TANC2: variants seen among roughly 807,000 people sequenced by gnomAD.
The protein encoded by TANC2 is protein TANC2.
A neutral mutation model predicts 210.5 loss-of-function variants in TANC2; 26 were observed. The observed-to-expected ratio is 0.12, with a 90% CI of 0.09 to 0.17. The LOEUF is 0.17. Ranked by LOEUF, TANC2 falls within the 10% of genes least tolerant of loss-of-function variation. The probability of loss-of-function intolerance (pLI) is 1.00; values close to 1 mark genes in which losing one functional copy is unlikely to be tolerated. For missense variants in TANC2, 2,129 were observed against 2,608.9 expected (o/e 0.82, Z 4.01); for synonymous variants, 931 against 967.1 (o/e 0.96, Z 0.69).
chr17:63,353,703 G>A (rs1470726879), intron 13 of TANC2, among the ~76,000 whole-genome samples: 1 of 152,012 alleles, frequency 6.6e-6, no homozygotes, highest in Non-Finnish European at 1.5e-5. Flanking sequence ...AAAAAGGGAA[G>A]GTTAAAAGTG....
intron 10 of TANC2, among the ~76,000 whole-genome samples, chr17:63,315,697 G>C (rs1342724883): frequency 6.6e-6 from 1 of 152,080 alleles, no homozygotes; most frequent in Non-Finnish European, 1.5e-5. Flanking sequence ...GTAGTTACAG[G>C]GTCTAGCACA....
At chr17:63,302,298 T>C (rs764101286) in intron 9 of TANC2, among the ~76,000 whole-genome samples, 2 of 152,196 alleles carry the variant, frequency 1.3e-5, no homozygotes, top group Non-Finnish European at 2.9e-5. Context: ...CACGTCCACT[T>C]GATCCAGAGC....
chr17:63,031,683 G>A (rs12150107), intron 2 of TANC2, among the ~76,000 whole-genome samples: 62,085 of 151,966 alleles, frequency 0.41, 15,056 homozygotes, highest in East Asian at 0.84. Context: ...TGATTATAGG[G>A]TGAGCACTTA....
intron 1 of TANC2, among the ~76,000 whole-genome samples, chr17:62,980,791 A>G (rs1167421273): frequency 1.3e-5 from 2 of 152,196 alleles, no homozygotes; most frequent in African/African-American, 4.8e-5. Context: ...GCTTACTTCT[A>G]GTACCCAAGA....
chr17:63,069,607 C>T (rs2036324001), intron 2 of TANC2, among the ~76,000 whole-genome samples: 1 of 152,156 alleles, frequency 6.6e-6, no homozygotes, highest in Non-Finnish European at 1.5e-5. Flanking sequence ...TGCCCACATA[C>T]TGACTTTTTG....
exon 15 of TANC2, chr17:63,379,785 A>G (rs2047546588): frequency 1.2e-6 from 2 of 1,612,872 alleles, no homozygotes; most frequent in Admixed American, 1.7e-5. Flanking sequence ...ACAGCAGACT[A>G]TTGAACTGGG....
At chr17:63,286,972 C>T (rs1426562818) in intron 9 of TANC2, among the ~76,000 whole-genome samples, 1 of 152,074 alleles carries the variant, frequency 6.6e-6, no homozygotes, top group Non-Finnish European at 1.5e-5. Context: ...CTTTGTTATA[C>T]ACCCAGCCTG....
At chr17:63,012,571 C>A (rs2033920357) in intron 2 of TANC2, among the ~76,000 whole-genome samples, 2 of 152,060 alleles carry the variant, frequency 1.3e-5, no homozygotes, top group Non-Finnish European at 2.9e-5. Flanking sequence ...ATATATTTGA[C>A]CTTTTCATTG....
intron 5 of TANC2, among the ~76,000 whole-genome samples, chr17:63,162,884 C>A (rs1009900793): frequency 3.3e-5 from 5 of 151,926 alleles, no homozygotes; most frequent in African/African-American, 1.2e-4. Flanking sequence ...GTACTAATGT[C>A]CCACTTAACG....
intron 11 of TANC2, among the ~76,000 whole-genome samples, chr17:63,331,659 A>C (rs975980347): frequency 6.6e-6 from 1 of 152,230 alleles, no homozygotes; most frequent in African/African-American, 2.4e-5. Flanking sequence ...TTTCAAAAAG[A>C]ATTAAGAAGA....
At chr17:63,396,996 T>G (rs544984740) in intron 18 of TANC2, 1 of 149,722 alleles carries the variant, frequency 6.7e-6, no homozygotes, top group East Asian at 1.9e-4. Flanking sequence ...AAAAAGAGGC[T>G]GGGCGTGGTG....
chr17:63,085,938 T>C (rs563035595), intron 3 of TANC2, among the ~76,000 whole-genome samples: 1 of 152,178 alleles, frequency 6.6e-6, no homozygotes, highest in Non-Finnish European at 1.5e-5. Context: ...GCAGGTCTTC[T>C]GGCAACAAAT....
At chr17:63,310,908 C>T (rs1385809765) in intron 9 of TANC2, among the ~76,000 whole-genome samples, 2 of 152,174 alleles carry the variant, frequency 1.3e-5, no homozygotes, top group Non-Finnish European at 2.9e-5. Context: ...AGAAATTTCA[C>T]TTCTAGCATT....
At chr17:63,106,667 C>T (rs1483886359) in intron 4 of TANC2, among the ~76,000 whole-genome samples, 1 of 151,608 alleles carries the variant, frequency 6.6e-6, no homozygotes, top group African/African-American at 2.4e-5. Context: ...TTTGCCACTG[C>T]GTATATGTTG....
At chr17:63,359,937 G>A (rs1032491449) in intron 14 of TANC2, among the ~76,000 whole-genome samples, 2 of 152,106 alleles carry the variant, frequency 1.3e-5, no homozygotes, top group African/African-American at 2.4e-5. Flanking sequence ...GTGGTTTGTC[G>A]AGGTTTTTCC....
At chr17:63,173,457 G>T (rs1188735825) in intron 5 of TANC2, among the ~76,000 whole-genome samples, 1 of 152,170 alleles carries the variant, frequency 6.6e-6, no homozygotes, top group Non-Finnish European at 1.5e-5. Context: ...TTTTGCCCTT[G>T]CTTCCAACTT....
intron 6 of TANC2, among the ~76,000 whole-genome samples, chr17:63,195,467 A>G (rs1358758009): frequency 1.3e-5 from 2 of 152,094 alleles, no homozygotes; most frequent in Non-Finnish European, 2.9e-5. Flanking sequence ...TATGTACTCA[A>G]TCTGATCCCT....
At chr17:63,136,802 T>C (rs930136672) in intron 4 of TANC2, among the ~76,000 whole-genome samples, 1 of 152,142 alleles carries the variant, frequency 6.6e-6, no homozygotes, top group Non-Finnish European at 1.5e-5. Context: ...TGACAAGAAC[T>C]AGATGAATCC....
At position 63,421,030 on chromosome 17, in the gene TANC2, C is replaced by T. The variant is rs1244521868; in HGVS notation, c.5300C>T (p.Ala1767Val). The stretch of plus-strand genomic sequence containing the variant: ...CAGCATGTCCAAGCCAGCCTGAGTG[C>T]AGGCGCCATCTGTCAGCATGGAGGA... The change falls in exon 28 of 28, where the codon GCA (alanine) becomes GTA (valine). Residue 1767 changes from alanine to valine, a missense_variant. This residue lies in a region of TANC2 where 584 missense variants were observed against 627.3 expected (regional missense o/e 0.93). Coordinates refer to ENST00000689528, the Ensembl canonical transcript of TANC2. This position sits in a 1 kb window ranked among gnomAD's most constrained non-coding sequence, Gnocchi z 6.9. 21 of 1,613,972 alleles carry T rather than the reference C, an allele frequency of 1.3e-5. No homozygotes were observed. The highest frequency in any genetic ancestry group is 1.8e-5 in the Non-Finnish European group (21 of 1,179,882).
Sources: gnomAD v4.1 joint callset for allele counts (sites outside exome capture counted in the v4.1 genomes callset) on GRCh38, gnomAD v4.1.1 for gene constraint, gnomAD v4.1.1 regional missense constraint, Gnocchi (gnomAD v3.1) non-coding constraint, MANE v1.5 for transcripts, NCBI Gene and HGNC (gene_info 2026-07-23, HGNC 2026-07-21) for gene names.